MOSMO: variants seen among roughly 807,000 people sequenced by gnomAD.
MOSMO encodes the protein modulator of smoothened, also known as modulator of smoothened protein.
A neutral mutation model predicts 18.4 loss-of-function variants in MOSMO; 5 were observed. The ratio of observed to expected loss-of-function variants is 0.27; its 90% CI spans 0.14 to 0.57. The LOEUF (loss-of-function observed/expected upper bound fraction) is 0.57. Among genes scored for constraint, MOSMO ranks in the 20% least tolerant of loss-of-function variants. The pLI, the probability that MOSMO is intolerant of heterozygous loss-of-function variation, is 0.92. For missense variants in MOSMO, 138 were observed against 211.8 expected (o/e 0.65, Z 2.16); for synonymous variants, 82 against 82.3 (o/e 1.00, Z 0.02).
intron 1 of MOSMO, among the ~76,000 whole-genome samples, chr16:22,012,869 G>A (rs1049850487): frequency 1.3e-4 from 19 of 151,958 alleles, no homozygotes; most frequent in Non-Finnish European, 2.5e-4. Flanking sequence ...TACAGAGAAA[G>A]TACATCCCTT....
intron 1 of MOSMO, among the ~76,000 whole-genome samples, chr16:22,018,458 G>C (rs927301957): frequency 6.6e-6 from 1 of 152,134 alleles, no homozygotes; most frequent in Admixed American, 6.5e-5. Context: ...CTGTCAAAGA[G>C]ATATGACCAT....
At chr16:22,026,549 G>A (rs958458829) in intron 1 of MOSMO, among the ~76,000 whole-genome samples, 2 of 152,106 alleles carry the variant, frequency 1.3e-5, no homozygotes, top group African/African-American at 2.4e-5. Flanking sequence ...ACATTAATCT[G>A]TTTGTAATTT....
chr16:22,023,190 G>C (rs1899800346), intron 1 of MOSMO, among the ~76,000 whole-genome samples: 1 of 152,110 alleles, frequency 6.6e-6, no homozygotes. Flanking sequence ...TCATATATCA[G>C]CCTACTAAAT....
downstream of MOSMO, chr16:22,085,288 T>C (rs1465227822): frequency 1.3e-5 from 2 of 152,162 alleles, no homozygotes; most frequent in African/African-American, 4.8e-5. Context: ...AAGATTTAGA[T>C]GTTCTTGGGT....
chr16:22,071,380 A>G (rs926484568), intron 1 of MOSMO, among the ~76,000 whole-genome samples: 1 of 152,210 alleles, frequency 6.6e-6, no homozygotes, highest in Non-Finnish European at 1.5e-5. Context: ...AGCACTCCAC[A>G]TGATTTGCTC....
intron 1 of MOSMO, among the ~76,000 whole-genome samples, chr16:22,020,231 A>G (rs1899729083): frequency 6.7e-6 from 1 of 149,224 alleles, no homozygotes; most frequent in African/African-American, 2.5e-5. Context: ...AAAAAAAAGT[A>G]TCAGTTGGTT....
chr16:22,049,884 A>AT (rs1900388108), intron 1 of MOSMO, among the ~76,000 whole-genome samples: 1 of 152,178 alleles, frequency 6.6e-6, no homozygotes, highest in African/African-American at 2.4e-5. Flanking sequence ...GCCATCTTAT[A>AT]TATCCTAGCT....
chr16:22,012,179 A>G (rs1357317842), intron 1 of MOSMO, among the ~76,000 whole-genome samples: 4 of 152,210 alleles, frequency 2.6e-5, no homozygotes, highest in Non-Finnish European at 4.4e-5. Context: ...TTTTAGAAGT[A>G]GAACTTTTGG....
chr16:22,075,742 C>A, intron 2 of MOSMO, 43 bp downstream of exon 2: 2 of 1,325,388 alleles, frequency 1.5e-6, no homozygotes, highest in Non-Finnish European at 2.1e-6. Flanking sequence ...AAGGCACCCA[C>A]CCACACTGGT....
At chr16:22,025,501 GA>G (rs1353066969) in intron 1 of MOSMO, among the ~76,000 whole-genome samples, 14 of 152,272 alleles carry the variant, frequency 9.2e-5, no homozygotes, top group Non-Finnish European at 4.4e-5. Context: ...CTACTGTAAA[GA>G]AGAGTAGTCT....
chr16:22,056,068 T>TA (rs1460695713), intron 1 of MOSMO, among the ~76,000 whole-genome samples: 2 of 152,188 alleles, frequency 1.3e-5, no homozygotes, highest in African/African-American at 4.8e-5. Context: ...AAGGGACTAA[T>TA]ATGGGCCGGC....
chr16:22,042,877 C>T (rs1900237095), intron 1 of MOSMO, among the ~76,000 whole-genome samples: 2 of 152,178 alleles, frequency 1.3e-5, no homozygotes, highest in South Asian at 4.1e-4. Flanking sequence ...TCCCCATTTA[C>T]AATGGAGAAA....
chr16:22,029,390 C>T (rs1899948489), intron 1 of MOSMO, among the ~76,000 whole-genome samples: 1 of 152,184 alleles, frequency 6.6e-6, no homozygotes, highest in African/African-American at 2.4e-5. Context: ...GCATACCTTA[C>T]TGTCATGTAT....
Position 22,084,567 on chromosome 16 carries a change from T to C in MOSMO, c.*3687T>C, listed in dbSNP as rs1901137516. The C allele has an allele frequency of 6.6e-6, 1 of 152,202 alleles. No individual in the cohort carries two copies. The highest frequency in any genetic ancestry group is 2.1e-4 in the South Asian group (1 of 4,834). The allele number at this position is 152,202 out of a possible 1,614,324, so 9.4% of individuals were successfully genotyped here. On this transcript the variant is annotated 3_prime_UTR_variant, in exon 3 of 3. Coordinates refer to ENST00000542527, the MANE Select transcript of MOSMO (RefSeq NM_001164579.2). ...TTTCAAAACAAATTGTTAATACAAC[T>C]GTATAAAATGAACATAATTTTCCTC...
chr16:22,038,747 G>A (rs1299997483), intron 1 of MOSMO, among the ~76,000 whole-genome samples: 1 of 152,150 alleles, frequency 6.6e-6, no homozygotes, highest in Non-Finnish European at 1.5e-5. Context: ...ACAGATTTCT[G>A]GGTTGTATTG....
At chr16:22,012,659 C>T (rs1444402745) in intron 1 of MOSMO, among the ~76,000 whole-genome samples, 2 of 150,902 alleles carry the variant, frequency 1.3e-5, no homozygotes, top group Non-Finnish European at 2.9e-5. Flanking sequence ...CTGTCACTTC[C>T]GTGCTGTTCT....
intron 1 of MOSMO, among the ~76,000 whole-genome samples, chr16:22,033,041 CTA>C (rs1900028667): frequency 6.6e-6 from 1 of 152,100 alleles, no homozygotes; most frequent in South Asian, 2.1e-4. Context: ...TTCCATTGAT[CTA>C]TGTCCTTATA....
At position 22,080,689 on chromosome 16, in the gene MOSMO, T is replaced by C. The variant is rs1257765670; in HGVS notation, c.320-7T>C. On this transcript the variant is annotated splice_polypyrimidine_tract_variant and splice_region_variant and intron_variant, in intron 2 of 2. Coordinates refer to ENST00000542527, the MANE Select transcript of MOSMO (RefSeq NM_001164579.2). ...TTACTAATGTTGTGTTTTGGTTTGT[T>C]TTACAGTGATCCTTTTCTGTATGGC... The C allele has an allele frequency of 1.6e-6, 2 of 1,230,028 alleles. No individual in the cohort carries two copies. The highest frequency in any genetic ancestry group is 9.0e-5 in the East Asian group (2 of 22,298). The allele number at this position is 1,230,028 out of a possible 1,614,324, so 76.2% of individuals were successfully genotyped here.
At chr16:22,051,711 G>C (rs1163702160) in intron 1 of MOSMO, among the ~76,000 whole-genome samples, 11 of 152,170 alleles carry the variant, frequency 7.2e-5, no homozygotes, top group Non-Finnish European at 1.3e-4. Flanking sequence ...AACCCAAAAA[G>C]GGGATTGTGG....
Sources: allele counts gnomAD v4.1 joint callset (sites outside exome capture counted in the v4.1 genomes callset), GRCh38; gene constraint gnomAD v4.1.1; transcripts MANE v1.5; gene names NCBI Gene and HGNC (gene_info 2026-07-23, HGNC 2026-07-21).